Variants in PARP4 observed in about 807,000 individuals in gnomAD.
PARP4 encodes the protein poly(ADP-ribose) polymerase family member 4.
In PARP4, 120 loss-of-function variants were observed where a neutral mutation model predicts 187.7. The ratio of observed to expected loss-of-function variants is 0.64; its 90% CI spans 0.55 to 0.74. PARP4 has a LOEUF of 0.74. Ranked by LOEUF, PARP4 falls within the 30% of genes least tolerant of loss-of-function variation. The probability of loss-of-function intolerance (pLI) is 0.00; values close to 1 mark genes in which losing one functional copy is unlikely to be tolerated. For missense variants in PARP4, 1,836 were observed against 2,070.5 expected (o/e 0.89, Z 2.20); for synonymous variants, 654 against 740.9 (o/e 0.88, Z 1.90).
chr13:24,461,888 A>G (rs555530938), intron 17 of PARP4, among the ~76,000 whole-genome samples: 34 of 152,256 alleles, frequency 2.2e-4, no homozygotes, highest in Middle Eastern at 6.8e-3. Context: ...CTTTAGAGAG[A>G]AACAGCCACC....
At chr13:24,500,439 G>C (rs2137542494) in intron 3 of PARP4, 57 bp from the exon 4 acceptor site, 2 of 1,018,574 alleles carry the variant, frequency 2.0e-6, no homozygotes, top group South Asian at 2.9e-5. Flanking sequence ...ACTATAATTA[G>C]TTAACCTAAG....
chr13:24,508,525 TG>T (rs1299175589), intron 1 of PARP4, among the ~76,000 whole-genome samples: 3 of 152,254 alleles, frequency 2.0e-5, no homozygotes, highest in Non-Finnish European at 4.4e-5. Context: ...TATAACACTT[TG>T]TTTTTTGAGA....
At chr13:24,422,272 T>A (rs895695605) in intron 33 of PARP4, among the ~76,000 whole-genome samples, 2 of 152,202 alleles carry the variant, frequency 1.3e-5, no homozygotes, top group Admixed American at 1.3e-4. Context: ...TGCTTACTAG[T>A]CCCTAGTGCA....
intron 21 of PARP4, among the ~76,000 whole-genome samples, chr13:24,455,480 AATATATATATATATAT>A: frequency 9.2e-6 from 1 of 108,426 alleles, no homozygotes; most frequent in Middle Eastern, 4.5e-3. Context: ...TTATGGAACA[AATATATATATATATAT>A]ATATATATAT....
intron 24 of PARP4, 67 bp from the exon 25 acceptor site, chr13:24,449,884 T>C (rs1871420205): frequency 8.2e-6 from 8 of 975,728 alleles, no homozygotes; most frequent in Non-Finnish European, 1.3e-5. Context: ...ATGTTAACAG[T>C]GTTGAGAAAG....
At chr13:24,423,470 G>T (rs1593579064) in intron 33 of PARP4, among the ~76,000 whole-genome samples, 2 of 151,920 alleles carry the variant, frequency 1.3e-5, no homozygotes, top group Admixed American at 6.6e-5. Flanking sequence ...GGTGGAGGTT[G>T]CAGTGAGCCG....
chr13:24,506,877 C>G (rs560486965), intron 1 of PARP4, among the ~76,000 whole-genome samples: 13 of 152,218 alleles, frequency 8.5e-5, no homozygotes, highest in African/African-American at 3.1e-4. Context: ...TCCTGCGGGA[C>G]GCTCGTGCTG....
intron 1 of PARP4, among the ~76,000 whole-genome samples, chr13:24,510,631 A>G (rs1012025214): frequency 1.3e-5 from 2 of 151,338 alleles, no homozygotes; most frequent in Admixed American, 1.3e-4. Flanking sequence ...TTTTTGCCAC[A>G]TCTCTGTCAT....
At position 24,504,633 on chromosome 13, in the gene PARP4, G is replaced by C. The variant is rs565747676; in HGVS notation, c.-1-856C>G. ...TACTGTACAACACATTCTCAATTTT[G>C]CATCGAAATGTGTATTTAACAATAA... On this transcript the variant is annotated intron_variant, in intron 1 of 33. Transcript: ENST00000381989. Among the ~76,000 whole-genome samples, 6 of 151,950 alleles carry C rather than the reference G, an allele frequency of 3.9e-5. No homozygotes were observed. In the East Asian group the frequency reaches 9.7e-4, roughly 25 times the overall value.
At chr13:24,483,648 C>T (rs1460125056) in intron 12 of PARP4, among the ~76,000 whole-genome samples, 3 of 151,860 alleles carry the variant, frequency 2.0e-5, no homozygotes, top group Non-Finnish European at 4.4e-5. Flanking sequence ...TTTTTTGAGA[C>T]AGAATCTTGC....
intron 30 of PARP4, among the ~76,000 whole-genome samples, chr13:24,441,637 T>A (rs1192628470): frequency 6.6e-6 from 1 of 152,270 alleles, no homozygotes; most frequent in African/African-American, 2.4e-5. Context: ...TCTCTTTTTG[T>A]ACTATACAGC....
intron 18 of PARP4, 89 bp from the exon 19 acceptor site, chr13:24,459,399 A>G (rs1309803033): frequency 4.9e-6 from 6 of 1,222,388 alleles, no homozygotes; most frequent in African/African-American, 4.6e-5. Context: ...CAAGGCCACA[A>G]CTGTCAGCAA....
In PARP4 at chr13:24,434,389, A is replaced by G. The variant is rs9581035; in HGVS notation, c.4746+6T>C. On this transcript the variant is annotated splice_donor_region_variant and intron_variant, in intron 31 of 33. Transcript: ENST00000381989. ...CCACAGATTTAAGGAGAAATAAGAC[A>G]CATACCTCTGTCTGTAGACTGAGGA... 4,135 of 1,531,252 alleles carry G rather than the reference A, an allele frequency of 2.7e-3. 99 individuals are homozygous for G. In the African/African-American group the frequency reaches 0.05, roughly 18 times the overall value. 94.9% of individuals were successfully genotyped at this position (1,531,252 alleles called of 1,614,324 possible).
intron 33 of PARP4, among the ~76,000 whole-genome samples, chr13:24,425,376 A>C (rs888827671): frequency 1.3e-5 from 2 of 152,192 alleles, no homozygotes; most frequent in Non-Finnish European, 2.9e-5. Flanking sequence ...TCAAAACTGC[A>C]AAACAAAGCA....
At chr13:24,441,215 G>C (rs2137451671) in intron 30 of PARP4, among the ~76,000 whole-genome samples, 1 of 152,258 alleles carries the variant, frequency 6.6e-6, no homozygotes, top group South Asian at 2.1e-4. Flanking sequence ...TGTTGCCCAG[G>C]CTGGTCTCAA....
Position 24,500,829 on chromosome 13 carries a change from T to C in PARP4, c.335-447A>G, listed in dbSNP as rs150568144. On this transcript the variant is annotated intron_variant, in intron 3 of 33. Coordinates refer to ENST00000381989, the MANE Select transcript of PARP4 (RefSeq NM_006437.4). The stretch of plus-strand genomic sequence containing the variant: ...AGAAACAGTAACACTATCTAGAGCA[T>C]TGTGATATACAGGAATAACTCAATG... 6.6e-4 allele frequency among the ~76,000 whole-genome samples: 100 copies of C among 152,306 alleles called. 1 individual carries two copies. The East Asian group carries it at 0.018, about 27-fold the overall frequency.
chr13:24,469,121 TG>T lies in PARP4; in HGVS notation c.2047-12del. On this transcript the variant is annotated splice_polypyrimidine_tract_variant and intron_variant, in intron 16 of 33. Transcript: ENST00000381989. The stretch of plus-strand genomic sequence containing the variant: ...TTCCTTCTCTTTAATCTGGAAAAGA[TG>T]AGTTTTAAATCATTCCTTACATGAA... The T allele has an allele frequency of 1.3e-6, 2 of 1,577,298 alleles. No homozygotes were observed. The highest frequency in any genetic ancestry group is 1.7e-6 in the Non-Finnish European group (2 of 1,146,472).
chr13:24,477,663 A>G (rs757639003), intron 14 of PARP4, 38 bp downstream of exon 14: 3 of 1,176,240 alleles, frequency 2.6e-6, no homozygotes, highest in Non-Finnish European at 3.7e-6. Flanking sequence ...GTCTATAAAT[A>G]TAATAACATA....
At position 24,475,456 on chromosome 13, in the gene PARP4, G is replaced by T; in HGVS notation, c.1914+16C>A. On this transcript the variant is annotated intron_variant, in intron 15 of 33. Coordinates refer to ENST00000381989, the MANE Select transcript of PARP4 (RefSeq NM_006437.4). The stretch of plus-strand genomic sequence containing the variant: ...ATCCATGTAGTTTAAGTGTCATAAA[G>T]CCACAGACAACATACCTGGGCTACA... 4 of 1,609,400 alleles carry T rather than the reference G, an allele frequency of 2.5e-6. No homozygotes were observed. Among genetic ancestry groups the T allele is most frequent in the Non-Finnish European group, 3.4e-6 (4 of 1,176,110 alleles).
Sources: gnomAD v4.1 joint callset for allele counts (sites outside exome capture counted in the v4.1 genomes callset) on GRCh38, gnomAD v4.1.1 for gene constraint, MANE v1.5 for transcripts, NCBI Gene and HGNC (gene_info 2026-07-23, HGNC 2026-07-21) for gene names.